The following GALNT11 variants were observed in gnomAD, a reference collection of about 807,000 sequenced individuals.
GALNT11 encodes polypeptide N-acetylgalactosaminyltransferase 11, also known as UDP-GalNAc:polypeptide N-acetylgalactosaminyltransferase 11.
Under a neutral mutation model 72.7 loss-of-function variants are expected in GALNT11, and 47 were observed. The ratio of observed to expected loss-of-function variants is 0.65; its 90% confidence interval spans 0.51 to 0.82. The LOEUF is 0.82. Among genes scored for constraint, GALNT11 ranks in the 40% least tolerant of loss-of-function variants. GALNT11 has a pLI of 0.00. For synonymous variants in GALNT11, 270 were observed against 286.6 expected (o/e 0.94, Z 0.58); for missense variants, 677 against 778.4 (o/e 0.87, Z 1.55).
At chr7:152,095,303 A>T (rs1489027537) in intron 2 of GALNT11, among the ~76,000 whole-genome samples, 1 of 152,172 alleles carries the variant, frequency 6.6e-6, no homozygotes, top group East Asian at 1.9e-4. Context: ...TTTAAGGGAT[A>T]AGTGAGCAAT....
At chr7:152,041,813 A>G (rs1054289661) in intron 1 of GALNT11, among the ~76,000 whole-genome samples, 1 of 152,220 alleles carries the variant, frequency 6.6e-6, no homozygotes, top group Non-Finnish European at 1.5e-5. Flanking sequence ...AAGTCATTTA[A>G]TGTTTTCATT....
At chr7:152,118,520 G>A (rs1296165269) in intron 9 of GALNT11, 158 bp from the exon 10 acceptor site, 2 of 609,350 alleles carry the variant, frequency 3.3e-6, no homozygotes, top group East Asian at 3.1e-5. Context: ...CCTGTGTTCT[G>A]AGGCTAGAAC....
chr7:152,115,150 C>T (rs1272829769), intron 8 of GALNT11, among the ~76,000 whole-genome samples: 4 of 152,202 alleles, frequency 2.6e-5, no homozygotes, highest in Admixed American at 2.0e-4. Context: ...GTTCTCAACA[C>T]ATGGTCCCAC....
intron 1 of GALNT11, among the ~76,000 whole-genome samples, chr7:152,062,384 C>G (rs1275412235): frequency 6.6e-6 from 1 of 152,176 alleles, no homozygotes; most frequent in Non-Finnish European, 1.5e-5. Flanking sequence ...ATGAGGTTTT[C>G]TAAATATACA....
chr7:152,094,016 A>G lies in GALNT11; in HGVS notation c.-38-174A>G. 1 of 489,218 alleles carries G rather than the reference A, an allele frequency of 2.0e-6. No homozygotes were observed. The highest frequency in any genetic ancestry group is 3.4e-6 in the Non-Finnish European group (1 of 290,458). 30.3% of individuals were successfully genotyped at this position (489,218 alleles called of 1,614,324 possible). On this transcript the variant is annotated intron_variant, in intron 1 of 11. Transcript: ENST00000430044. The surrounding 1 kb of genome is among the most constrained non-coding windows in gnomAD (Gnocchi z 4.3). ...ATTAACCCACAGGCCTGAGGTTTTC[A>G]TTGTTGAACCCTTTTTAAAAACTCA...
intron 1 of GALNT11, among the ~76,000 whole-genome samples, chr7:152,040,278 T>G (rs142601033): frequency 7.5e-4 from 114 of 152,030 alleles, no homozygotes; most frequent in Middle Eastern, 6.8e-3. Context: ...TACATGTACA[T>G]AAACTAGTCT....
At chr7:152,107,585 G>A in intron 5 of GALNT11, 1 of 158,926 alleles carries the variant, frequency 6.3e-6, no homozygotes, top group Admixed American at 5.9e-5. Context: ...TACTGAGGCA[G>A]AGAGATGTCT....
chr7:152,041,773 A>G (rs2082872816), intron 1 of GALNT11, among the ~76,000 whole-genome samples: 1 of 152,228 alleles, frequency 6.6e-6, no homozygotes, highest in African/African-American at 2.4e-5. Flanking sequence ...AGCAGGTCAT[A>G]TCCAATTAAT....
intron 1 of GALNT11, among the ~76,000 whole-genome samples, chr7:152,062,131 G>A (rs776638876): frequency 2.6e-5 from 4 of 152,142 alleles, no homozygotes; most frequent in Non-Finnish European, 5.9e-5. Flanking sequence ...CCATTTGTTT[G>A]TGTCCTCTTT....
chr7:152,032,101 A>T (rs1208299063), intron 1 of GALNT11, among the ~76,000 whole-genome samples: 2 of 152,130 alleles, frequency 1.3e-5, no homozygotes, highest in Non-Finnish European at 2.9e-5. Context: ...AATTCAAGAG[A>T]TCTAGAGTAG....
intron 1 of GALNT11, among the ~76,000 whole-genome samples, chr7:152,030,265 C>T (rs945516698): frequency 1.3e-5 from 2 of 152,062 alleles, no homozygotes; most frequent in Admixed American, 6.5e-5. Flanking sequence ...GATCACGGGA[C>T]GCTGGTGTTA....
At position 152,113,305 on chromosome 7, in the gene GALNT11, C is replaced by G; in HGVS notation, c.1140C>G (p.Phe380Leu). Residue 380 changes from phenylalanine (F) to leucine (L), a missense_variant, in exon 8 of 12, where the codon TTC becomes TTG. Coordinates refer to ENST00000430044, the MANE Select transcript of GALNT11 (RefSeq NM_022087.4). ...IIPCSRVGHI[F>L]RKRRPYGSPE... ...CTTGCTCTAGAGTAGGACACATTTT[C>G]CGAAAAAGGCGACCATATGGATCTC... 1 of 1,614,060 alleles carries G rather than the reference C, an allele frequency of 6.2e-7. No homozygotes were observed. Among genetic ancestry groups the G allele is most frequent in the Non-Finnish European group, 8.5e-7 (1 of 1,179,996 alleles).
intron 1 of GALNT11, among the ~76,000 whole-genome samples, chr7:152,073,166 TCTC>T (rs913288610): frequency 2.6e-5 from 4 of 152,204 alleles, no homozygotes; most frequent in African/African-American, 9.7e-5. Context: ...CATTCAATAT[TCTC>T]CTTATAGCTA....
chr7:152,118,602 G>T, intron 9 of GALNT11, 76 bp from the exon 10 acceptor site: 2 of 1,269,948 alleles, frequency 1.6e-6, no homozygotes, highest in Non-Finnish European at 2.2e-6. Context: ...TTCACATTTT[G>T]CCTGGAACCA....
chr7:152,118,618 A>G lies in GALNT11; in HGVS notation c.1453-60A>G. ...TCACATTTTGCCTGGAACCACCTCC[A>G]GGCTTGGGAGGCGTCTCTGGGATTG... is the stretch of plus-strand genomic sequence containing the variant. On this transcript the variant is annotated intron_variant, in intron 9 of 11. Coordinates refer to ENST00000430044, the MANE Select transcript of GALNT11 (RefSeq NM_022087.4). 4 of 1,493,546 alleles carry G rather than the reference A, an allele frequency of 2.7e-6. No individual in the cohort carries two copies. In the South Asian group the frequency reaches 4.9e-5, roughly 18 times the overall value. The allele number at this position is 1,493,546 out of a possible 1,614,324, so 92.5% of individuals were successfully genotyped here.
chr7:152,095,172 T>C (rs17173335), intron 2 of GALNT11, among the ~76,000 whole-genome samples: 4,399 of 149,866 alleles, frequency 0.029, 204 homozygotes, highest in African/African-American at 0.11. Flanking sequence ...TATGAAATCT[T>C]AGTTATAAAA....
chr7:152,043,607 C>G (rs866619739), intron 1 of GALNT11, among the ~76,000 whole-genome samples: 1 of 152,218 alleles, frequency 6.6e-6, no homozygotes, highest in African/African-American at 2.4e-5. Context: ...TGCTGAATTC[C>G]TGCCTGAATA....
chr7:152,121,486 C>T, intron 11 of GALNT11, 60 bp from the exon 12 acceptor site: 1 of 1,573,630 alleles, frequency 6.4e-7, no homozygotes, highest in Non-Finnish European at 8.6e-7. Flanking sequence ...CATCTCTCCT[C>T]TGGATTTCCA....
intron 1 of GALNT11, among the ~76,000 whole-genome samples, chr7:152,060,567 C>T (rs1241100765): frequency 6.6e-6 from 1 of 151,818 alleles, no homozygotes; most frequent in Non-Finnish European, 1.5e-5. Context: ...TGTTGGTGTG[C>T]TGCACTCATT....
Sources: gnomAD v4.1 joint callset for allele counts (sites outside exome capture counted in the v4.1 genomes callset) on GRCh38, gnomAD v4.1.1 for gene constraint, Gnocchi (gnomAD v3.1) non-coding constraint, MANE v1.5 for transcripts, NCBI Gene and HGNC (gene_info 2026-07-23, HGNC 2026-07-21) for gene names.